NRXN3: variants seen among roughly 807,000 people sequenced by gnomAD.
NRXN3 encodes the protein neurexin 3, also known as neurexin III.
Under a neutral mutation model 137.6 loss-of-function variants are expected in NRXN3, and 32 were observed. That is an observed-to-expected ratio of 0.23 (90% CI 0.18 to 0.31). The LOEUF (loss-of-function observed/expected upper bound fraction) is 0.31. Among genes scored for constraint, NRXN3 ranks in the 10% least tolerant of loss-of-function variants. The pLI, the probability that NRXN3 is intolerant of heterozygous loss-of-function variation, is 1.00. For missense variants in NRXN3, 1,574 were observed against 2,062.5 expected, an observed-to-expected ratio of 0.76 and a Z score of 4.59; for synonymous variants, 798 against 784.5, an observed-to-expected ratio of 1.02 and a Z score of -0.29.
At chr14:79,679,947 G>C (rs2098661377) in intron 17 of NRXN3, among the ~76,000 whole-genome samples, 1 of 152,036 alleles carries the variant, frequency 6.6e-6, no homozygotes, top group Non-Finnish European at 1.5e-5. Context: ...ACAGCATTTA[G>C]CAGTGCTAGT....
chr14:78,256,457 G>GAGCATGTGCC (rs1392379366), intron 2 of NRXN3, among the ~76,000 whole-genome samples: 2 of 152,244 alleles, frequency 1.3e-5, no homozygotes, highest in African/African-American at 4.8e-5. Context: ...AAGCTATCAG[G>GAGCATGTGCC]AGCATGTGCC....
chr14:79,152,759 A>G (rs367923827), intron 15 of NRXN3, among the ~76,000 whole-genome samples: 97 of 152,128 alleles, frequency 6.4e-4, no homozygotes, highest in African/African-American at 2.3e-3. Flanking sequence ...CTTGACATGT[A>G]AGGATTATTA....
chr14:78,199,694 C>CCAG (rs2061508779), intron 1 of NRXN3, among the ~76,000 whole-genome samples: 3 of 152,156 alleles, frequency 2.0e-5, no homozygotes, highest in African/African-American at 7.2e-5. Flanking sequence ...GGCCTGGAAC[C>CCAG]TCAATTGGGG....
At chr14:78,257,560 A>G (rs748452192) in intron 2 of NRXN3, among the ~76,000 whole-genome samples, 35 of 152,358 alleles carry the variant, frequency 2.3e-4, no homozygotes, top group Admixed American at 7.8e-4. Context: ...TGGGCAGGAC[A>G]TGGAAGCATT....
At chr14:79,770,270 G>C (rs916660348) in intron 19 of NRXN3, among the ~76,000 whole-genome samples, 47 of 152,016 alleles carry the variant, frequency 3.1e-4, no homozygotes, top group East Asian at 2.5e-3. Context: ...TGCACCAAGC[G>C]GACCTAATAG....
At chr14:79,194,649 CAG>C (rs1467467570) in intron 15 of NRXN3, among the ~76,000 whole-genome samples, 1 of 152,198 alleles carries the variant, frequency 6.6e-6, no homozygotes, top group African/African-American at 2.4e-5. Context: ...CAAGAGGTCT[CAG>C]TGTCTCTCCC....
chr14:78,364,438 G>C (rs945729928), intron 4 of NRXN3, among the ~76,000 whole-genome samples: 1 of 151,988 alleles, frequency 6.6e-6, no homozygotes, highest in Non-Finnish European at 1.5e-5. Flanking sequence ...CCTATTGCAG[G>C]GTTCCTAGGT....
At chr14:79,349,582 ACACACAG>A (rs1255576281) in intron 15 of NRXN3, among the ~76,000 whole-genome samples, 2 of 149,762 alleles carry the variant, frequency 1.3e-5, no homozygotes, top group Non-Finnish European at 3.0e-5. Flanking sequence ...ACACACACAC[ACACACAG>A]ACAATATTAT....
At chr14:79,307,035 T>A (rs2086204293) in intron 15 of NRXN3, among the ~76,000 whole-genome samples, 1 of 152,118 alleles carries the variant, frequency 6.6e-6, no homozygotes, top group African/African-American at 2.4e-5. Flanking sequence ...AGGAAATAGC[T>A]GATTTTGGTA....
chr14:78,559,788 C>T (rs2096770551), intron 4 of NRXN3, among the ~76,000 whole-genome samples: 1 of 152,190 alleles, frequency 6.6e-6, no homozygotes, highest in Non-Finnish European at 1.5e-5. Context: ...CTTAAAATGT[C>T]TTAGATGGGA....
At position 79,598,209 on chromosome 14, in the gene NRXN3, A is replaced by G. The variant is rs2097881853; in HGVS notation, c.3445-65569A>G. ...ATGAACTCACTATCGTCTTTGCAGT[A>G]TAGTATCGTTGGTGCAGAGGATTTG... On this transcript the variant is annotated intron_variant, in intron 16 of 20. Transcript: ENST00000335750. Among the ~76,000 whole-genome samples, 3 of 152,186 alleles carry G rather than the reference A, an allele frequency of 2.0e-5. No individual in the cohort carries two copies. In the South Asian group the frequency reaches 6.2e-4, roughly 32 times the overall value.
chr14:79,782,449 C>T lies in NRXN3; in HGVS notation c.4015-22663C>T, dbSNP rs144592453. On this transcript the variant is annotated intron_variant, in intron 19 of 20. Coordinates refer to ENST00000335750, the MANE Select transcript of NRXN3 (RefSeq NM_001330195.2). Reference sequence around the variant, plus strand: ...TAAAGAGTATTCTGAGAGTAAAACACGCATACAAATGAAAAGTATGGTTAT... The same window carrying T: ...TAAAGAGTATTCTGAGAGTAAAACATGCATACAAATGAAAAGTATGGTTAT... 1.2e-3 allele frequency among the ~76,000 whole-genome samples: 185 copies of T among 152,214 alleles called. 1 individual carries two copies. Among genetic ancestry groups the T allele is most frequent in the African/African-American group, 3.6e-3 (148 of 41,538 alleles).
At position 79,143,914 on chromosome 14, in the gene NRXN3, C is replaced by T. The variant is rs143934726; in HGVS notation, c.3262+155773C>T. 3.7e-3 allele frequency among the ~76,000 whole-genome samples: 560 copies of T among 152,014 alleles called. 2 individuals carry two copies. The highest frequency in any genetic ancestry group is 0.013 in the African/African-American group (537 of 41,476). ...TTTTTTTTAAAACTTTTCTATAAGC[C>T]CCTTAAATATTACAGTCGTCCCATG... On this transcript the variant is annotated intron_variant, in intron 15 of 20. Transcript: ENST00000335750.
At chr14:78,261,460 T>C (rs560069626) in intron 2 of NRXN3, among the ~76,000 whole-genome samples, 22 of 152,184 alleles carry the variant, frequency 1.4e-4, no homozygotes, top group Non-Finnish European at 2.8e-4. Flanking sequence ...GCATATTCTC[T>C]CCATCTTTTA....
At chr14:79,459,909 G>A (rs1046869103) in intron 15 of NRXN3, among the ~76,000 whole-genome samples, 2 of 152,016 alleles carry the variant, frequency 1.3e-5, no homozygotes, top group Non-Finnish European at 2.9e-5. Context: ...GTCAATTTTA[G>A]CGTCTACAGC....
intron 17 of NRXN3, among the ~76,000 whole-genome samples, chr14:79,675,208 G>A (rs1024712805): frequency 1.1e-4 from 16 of 151,808 alleles, no homozygotes; most frequent in Admixed American, 5.3e-4. Context: ...TTCCCCCAAA[G>A]GCCAAATAAC....
intron 6 of NRXN3, among the ~76,000 whole-genome samples, chr14:78,690,981 G>A (rs761647297): frequency 2.0e-5 from 3 of 152,120 alleles, no homozygotes; most frequent in Non-Finnish European, 2.9e-5. Context: ...CATCAGATGC[G>A]TGGGGGAAGC....
rs577709072 is a variant in NRXN3, at chr14:78,884,266, T to C, written c.2276-72976T>C. 2.6e-5 allele frequency among the ~76,000 whole-genome samples: 4 copies of C among 152,304 alleles called. No individual in the cohort carries two copies. In the East Asian group the frequency reaches 7.7e-4, roughly 29 times the overall value. ...GAAAGCATTTATTTTTTGGGTATTT[T>C]TGCTTATTTTTTAAAAATAAATAAC... is the stretch of plus-strand genomic sequence containing the variant. On this transcript the variant is annotated intron_variant, in intron 10 of 20. Coordinates refer to ENST00000335750, the MANE Select transcript of NRXN3 (RefSeq NM_001330195.2).
chr14:78,845,966 T>C (rs1452447392), intron 10 of NRXN3, among the ~76,000 whole-genome samples: 1 of 151,630 alleles, frequency 6.6e-6, no homozygotes, highest in African/African-American at 2.4e-5. Flanking sequence ...TTTTACTTTT[T>C]ACTCAGCCAA....
Sources: allele counts gnomAD v4.1 joint callset (sites outside exome capture counted in the v4.1 genomes callset), GRCh38; gene constraint gnomAD v4.1.1; transcripts MANE v1.5; gene names NCBI Gene and HGNC (gene_info 2026-07-23, HGNC 2026-07-21).